The following CHRNA4 variants were observed in gnomAD, a reference collection of about 807,000 sequenced individuals.
The protein encoded by CHRNA4 is neuronal acetylcholine receptor subunit alpha-4.
A neutral mutation model predicts 48.9 loss-of-function variants in CHRNA4; 28 were observed. The ratio of observed to expected loss-of-function variants is 0.57; its 90% CI spans 0.42 to 0.79. The LOEUF is 0.79. Among genes scored for constraint, CHRNA4 ranks in the 30% least tolerant of loss-of-function variants. The pLI, the probability that CHRNA4 is intolerant of heterozygous loss-of-function variation, is 0.00. For missense variants in CHRNA4, 859 were observed against 898.4 expected, an observed-to-expected ratio of 0.96 and a Z score of 0.56; for synonymous variants, 425 against 402.3, an observed-to-expected ratio of 1.06 and a Z score of -0.68.
At chr20:63,351,234 A>ATCCATGCCCCCG (rs1232189431) in intron 4 of CHRNA4, 1 of 354,860 alleles carries the variant, frequency 2.8e-6, no homozygotes. Flanking sequence ...CCACATCCAC[A>ATCCATGCCCCCG]CCCACGTCCA....
chr20:63,349,415 C>G (rs77573009), intron 5 of CHRNA4: 1 of 596,534 alleles, frequency 1.7e-6, no homozygotes, highest in Non-Finnish European at 3.0e-6. Context: ...AAGCCAGAGA[C>G]GGCACCGGGA....
At chr20:63,351,494 G>A (rs192227429) in intron 4 of CHRNA4, among the ~76,000 whole-genome samples, 67 of 152,262 alleles carry the variant, frequency 4.4e-4, no homozygotes, top group African/African-American at 1.5e-3. Context: ...GTCTCCCAGC[G>A]TCACCTCCTG....
In CHRNA4 at chr20:63,343,775, C is replaced by T. The variant is rs112242363; in HGVS notation, c.*2963G>A. On this transcript the variant is annotated 3_prime_UTR_variant, in exon 6 of 6. Transcript: ENST00000370263. ...GAGGGGCCGGCGCCCCGGCAGGCTT[C>T]GAGCTGCAGCAGTGTCTCCCGCTGC... 7,013 of 453,632 alleles carry T rather than the reference C, an allele frequency of 0.015. 253 individuals are homozygous for T. The highest frequency in any genetic ancestry group is 0.07 in the South Asian group (4,506 of 64,470). The allele number at this position is 453,632 out of a possible 1,614,324, so 28.1% of individuals were successfully genotyped here.
Position 63,350,378 on chromosome 20 carries a change from G to A in CHRNA4, c.1033C>T (p.Arg345Cys), listed in dbSNP as rs142260793. 1.1e-5 allele frequency: 18 copies of A among 1,613,704 alleles called. No individual in the cohort carries two copies. Among genetic ancestry groups the A allele is most frequent in the Admixed American group, 1.7e-5 (1 of 60,006 alleles). ...PRTHTMPTWV[R>C]RVFLDIVPRL... ...GGCACGATGTCCAGGAAGACCCTGC[G>A]TACCCAGGTGGGCATGGTGTGCGTG... The change falls in exon 5 of 6, where the codon CGC becomes TGC. Residue 345 changes from arginine to cysteine, a missense_variant. By Grantham distance (180) the Arg-to-Cys change is radical. Coordinates refer to ENST00000370263, the MANE Select transcript of CHRNA4 (RefSeq NM_000744.7).
rs1209460523 is a variant in CHRNA4 at position 63,343,433 on chromosome 20, A to T, written c.*3305T>A. ...ATCCAGCATTTCTGGTGCAAGGTGA[A>T]AGGACTCAGCCACTTTAGAAATCCG... On this transcript the variant is annotated 3_prime_UTR_variant, in exon 6 of 6. Transcript: ENST00000370263. 2.2e-6 allele frequency: 1 copy of T among 454,106 alleles called. No individual in the cohort carries two copies. Among genetic ancestry groups the T allele is most frequent in the South Asian group, 1.6e-5 (1 of 64,482 alleles). 28.1% of individuals were successfully genotyped at this position (454,106 alleles called of 1,614,324 possible).
Position 63,359,671 on chromosome 20 carries a change from G to C in CHRNA4, c.105C>G (p.His35Gln). ...GTTTCTTCAGGAGCCGCTCCTCGGC[G>C]TGGGCCCGGGTCTCCACATGGCTGC... ...RASSHVETRAHAEERLLKKLF... is the reference protein window; with the variant it reads ...RASSHVETRAQAEERLLKKLF... The change falls in exon 2 of 6, where the codon CAC (histidine) becomes CAG (glutamine). Residue 35 changes from histidine (H) to glutamine (Q), a missense_variant. His to Gln is a conservative substitution (Grantham distance 24, BLOSUM62 0). Around this residue, in one of 3 missense-constraint regions of CHRNA4, gnomAD observed 342 missense variants for 365.3 expected, o/e 0.94. Coordinates refer to ENST00000370263, the MANE Select transcript of CHRNA4 (RefSeq NM_000744.7). 2 of 1,611,596 alleles carry C rather than the reference G, an allele frequency of 1.2e-6. No homozygotes were observed. Among genetic ancestry groups the C allele is most frequent in the Admixed American group, 1.7e-5 (1 of 60,036 alleles).
chr20:63,359,824 G>A (rs1018801154), intron 1 of CHRNA4, 125 bp from the exon 2 acceptor site: 1 of 1,047,400 alleles, frequency 9.5e-7, no homozygotes, highest in Non-Finnish European at 1.3e-6. Flanking sequence ...CTCCTCACAT[G>A]AGCCCTTCCC....
At position 63,344,105 on chromosome 20, in the gene CHRNA4, G is replaced by A. The variant is rs535104026; in HGVS notation, c.*2633C>T. 3 of 454,142 alleles carry A rather than the reference G, an allele frequency of 6.6e-6. No homozygotes were observed. The highest frequency in any genetic ancestry group is 1.4e-4 in the East Asian group (2 of 14,396). 28.1% of individuals were successfully genotyped at this position (454,142 alleles called of 1,614,324 possible). Reference sequence around the variant, plus strand: ...TGCGTCTTAGTTTATTCAGACAGAAGAACACTGCTCACAATTAAAAACGAA... The same window carrying A: ...TGCGTCTTAGTTTATTCAGACAGAAAAACACTGCTCACAATTAAAAACGAA... On this transcript the variant is annotated 3_prime_UTR_variant, in exon 6 of 6. Coordinates refer to ENST00000370263, the MANE Select transcript of CHRNA4 (RefSeq NM_000744.7). The surrounding 1 kb of genome is among the most constrained non-coding windows in gnomAD (Gnocchi z 4.5).
Position 63,350,345 on chromosome 20 carries a change from G to C in CHRNA4, c.1066C>G (p.Leu356Val), listed in dbSNP as rs121912265. 6.2e-7 allele frequency: 1 copy of C among 1,613,584 alleles called. No individual in the cohort carries two copies. The highest frequency in any genetic ancestry group is 8.5e-7 in the Non-Finnish European group (1 of 1,180,032). ...RVFLDIVPRL[L>V]LMKRPSVVKD... ...ACCACGGACGGCCGCTTCATGAGGAGCAGGCGTGGCACGATGTCCAGGAAG... is the reference window on the plus strand; with the variant it reads ...ACCACGGACGGCCGCTTCATGAGGACCAGGCGTGGCACGATGTCCAGGAAG... Residue 356 changes from leucine (L) to valine (V), a missense_variant, in exon 5 of 6, where the codon CTC becomes GTC. Leu to Val is a conservative substitution (Grantham distance 32). Around this residue, in one of 3 missense-constraint regions of CHRNA4, gnomAD observed 478 missense variants for 455.4 expected, o/e 1.05. Transcript: ENST00000370263.
At position 63,361,301 on chromosome 20, in the gene CHRNA4, G is replaced by A; in HGVS notation, c.-136C>T. On this transcript the variant is annotated 5_prime_UTR_variant, in exon 1 of 6. Coordinates refer to ENST00000370263, the MANE Select transcript of CHRNA4 (RefSeq NM_000744.7). The stretch of plus-strand genomic sequence containing the variant: ...CGCCGGGCCCGGTTCGTCTTCTCCT[G>A]TGGGGCGCGGTGCGGCGGCGGCGCG... 7.9e-7 allele frequency: 1 copy of A among 1,269,572 alleles called. No homozygotes were observed. Among genetic ancestry groups the A allele is most frequent in the Non-Finnish European group, 9.9e-7 (1 of 1,008,990 alleles). The allele number at this position is 1,269,572 out of a possible 1,614,324, so 78.6% of individuals were successfully genotyped here. A position where few individuals can be genotyped will look rare whatever the true frequency, so the allele number is the denominator to read the frequency against.
chr20:63,347,510 C>T (rs1441177951), intron 5 of CHRNA4, among the ~76,000 whole-genome samples: 2 of 152,224 alleles, frequency 1.3e-5, no homozygotes, highest in East Asian at 1.9e-4. Flanking sequence ...ACTCCTGGGG[C>T]TGATGCAGGG....
intron 5 of CHRNA4, among the ~76,000 whole-genome samples, chr20:63,347,699 C>T (rs1387782295): frequency 6.6e-6 from 1 of 152,222 alleles, no homozygotes; most frequent in Non-Finnish European, 1.5e-5. Flanking sequence ...CTGGCTCTGC[C>T]GTGTAGGACC....
Position 63,344,929 on chromosome 20 carries a change from A to C in CHRNA4, c.*1809T>G, listed in dbSNP as rs1175091658. 3 of 403,686 alleles carry C rather than the reference A, an allele frequency of 7.4e-6. No homozygotes were observed. In the East Asian group the frequency reaches 2.2e-4, roughly 29 times the overall value. The allele number at this position is 403,686 out of a possible 1,614,324, so 25.0% of individuals were successfully genotyped here. A position where few individuals can be genotyped will look rare whatever the true frequency, so the allele number is the denominator to read the frequency against. ...AGGGGCCAGGGGGCTGGGGATGCCCAGGATTTGGCACGGGGGTCTCTGTGT... is the reference window on the plus strand; with the variant it reads ...AGGGGCCAGGGGGCTGGGGATGCCCCGGATTTGGCACGGGGGTCTCTGTGT... On this transcript the variant is annotated 3_prime_UTR_variant, in exon 6 of 6. Coordinates refer to ENST00000370263, the MANE Select transcript of CHRNA4 (RefSeq NM_000744.7). The surrounding 1 kb of genome is among the most constrained non-coding windows in gnomAD (Gnocchi z 4.5).
At position 63,361,338 on chromosome 20, in the gene CHRNA4, C is replaced by T. The variant is rs1361252520; in HGVS notation, c.-173G>A. 19 of 1,064,574 alleles carry T rather than the reference C, an allele frequency of 1.8e-5. No homozygotes were observed. The highest frequency in any genetic ancestry group is 2.1e-5 in the Non-Finnish European group (19 of 902,206). 65.9% of individuals were successfully genotyped at this position (1,064,574 alleles called of 1,614,324 possible). A position where few individuals can be genotyped will look rare whatever the true frequency, so the allele number is the denominator to read the frequency against. On this transcript the variant is annotated 5_prime_UTR_variant, in exon 1 of 6. Coordinates refer to ENST00000370263, the MANE Select transcript of CHRNA4 (RefSeq NM_000744.7). ...GCGGCGGCGGCGCGGCAGGGAGCGC[C>T]GGGCTGTGGGCTCCGTGGCGCGGCC...
intron 4 of CHRNA4, chr20:63,354,733 T>A (rs1180230847): frequency 1.3e-6 from 1 of 787,526 alleles, no homozygotes; most frequent in South Asian, 5.7e-5. Context: ...GCCCGGCCCA[T>A]CCTGGGCGTT....
Position 63,361,177 on chromosome 20 carries a change from C to G in CHRNA4, c.-12G>C, listed in dbSNP as rs1601498954. ...CCCCCTAGCTCCATGGCGCACGCAC[C>G]TCGCGGGCTCTAGATGCGGGCGGCT... On this transcript the variant is annotated 5_prime_UTR_variant, in exon 1 of 6. Transcript: ENST00000370263. 1.4e-6 allele frequency: 2 copies of G among 1,464,132 alleles called. No individual in the cohort carries two copies. Among genetic ancestry groups the G allele is most frequent in the Non-Finnish European group, 1.8e-6 (2 of 1,111,198 alleles). 90.7% of individuals were successfully genotyped at this position (1,464,132 alleles called of 1,614,324 possible).
chr20:63,351,843 G>A (rs968210711), intron 4 of CHRNA4, among the ~76,000 whole-genome samples: 8 of 152,208 alleles, frequency 5.3e-5, no homozygotes, highest in Non-Finnish European at 1.2e-4. Flanking sequence ...AACTCCTCCC[G>A]GTAGGCAGAG....
chr20:63,359,983 G>T, intron 1 of CHRNA4: 1 of 429,768 alleles, frequency 2.3e-6, no homozygotes, highest in Admixed American at 3.6e-5. Flanking sequence ...CCCACCCCTG[G>T]GTGTAATTGT....
chr20:63,346,217 C>T lies in CHRNA4; in HGVS notation c.*521G>A, dbSNP rs1160416173. 1 of 454,314 alleles carries T rather than the reference C, an allele frequency of 2.2e-6. No homozygotes were observed. 28.1% of individuals were successfully genotyped at this position (454,314 alleles called of 1,614,324 possible). On this transcript the variant is annotated 3_prime_UTR_variant, in exon 6 of 6. Coordinates refer to ENST00000370263, the MANE Select transcript of CHRNA4 (RefSeq NM_000744.7). ...GCAGATTGGAGCGCTGCTGGCTCAC[C>T]CTCATGGGGCCCGAGAGGCTCAAGG...
Sources: allele counts gnomAD v4.1 joint callset (sites outside exome capture counted in the v4.1 genomes callset), GRCh38; gene constraint gnomAD v4.1.1; regional missense constraint gnomAD v4.1.1; non-coding constraint Gnocchi (gnomAD v3.1); transcripts MANE v1.5; gene names NCBI Gene and HGNC (gene_info 2026-07-23, HGNC 2026-07-21).